The following STXBP4 variants were observed in gnomAD, a reference collection of about 807,000 sequenced individuals.
The protein encoded by STXBP4 is syntaxin-binding protein 4.
Under a neutral mutation model 76.1 loss-of-function variants are expected in STXBP4, and 55 were observed. That is an observed-to-expected ratio of 0.72 (90% CI 0.58 to 0.91). The LOEUF (loss-of-function observed/expected upper bound fraction) is 0.91, where lower values mean the gene tolerates loss of function less well. Among genes scored for constraint, STXBP4 ranks in the 40% least tolerant of loss-of-function variants. STXBP4 has a pLI of 0.00. For missense variants in STXBP4, 618 were observed against 636.9 expected, an observed-to-expected ratio of 0.97 and a Z score of 0.32; for synonymous variants, 201 against 220.2, an observed-to-expected ratio of 0.91 and a Z score of 0.77.
rs182388747 is a variant in STXBP4 at position 55,090,568 on chromosome 17, G to A, written c.1489+9385G>A. On this transcript the variant is annotated intron_variant, in intron 16 of 17. Transcript: ENST00000376352. ...AGGTCAAAAACCAGTTCTGAGTAGA[G>A]AGCTCTCTAAATTCAAGCTTTTATG... is the stretch of plus-strand genomic sequence containing the variant. Among the ~76,000 whole-genome samples, 27 of 152,234 alleles carry A rather than the reference G, an allele frequency of 1.8e-4. 1 individual carries two copies. The East Asian group carries it at 3.7e-3, about 21-fold the overall frequency.
At chr17:55,062,530 G>T (rs1237036358) in intron 12 of STXBP4, among the ~76,000 whole-genome samples, 1 of 152,020 alleles carries the variant, frequency 6.6e-6, no homozygotes, top group Non-Finnish European at 1.5e-5. Flanking sequence ...TTGCTATTGT[G>T]AATAGTGCTA....
intron 12 of STXBP4, among the ~76,000 whole-genome samples, chr17:55,057,065 CTT>C (rs961811823): frequency 3.3e-5 from 5 of 151,912 alleles, no homozygotes; most frequent in Non-Finnish European, 4.4e-5. Context: ...ACTATAAACT[CTT>C]ATACTTATCT....
chr17:55,209,233 G>A, the STXBP4 span, among the ~76,000 whole-genome samples: 1 of 152,152 alleles, frequency 6.6e-6, no homozygotes, highest in South Asian at 2.1e-4. Flanking sequence ...ACTGTGTTAG[G>A]AGACCCAGTG....
chr17:55,185,260 T>TCTC, the STXBP4 span, among the ~76,000 whole-genome samples: 2 of 50,622 alleles, frequency 4.0e-5, no homozygotes, highest in African/African-American at 2.0e-4. Flanking sequence ...TCCTTCTCCT[T>TCTC]CTCCTTCTCC....
intron 1 of STXBP4, among the ~76,000 whole-genome samples, chr17:54,970,723 A>C (rs1190410753): frequency 2.6e-5 from 4 of 152,194 alleles, no homozygotes; most frequent in Non-Finnish European, 4.4e-5. Context: ...CTGTTTCTCC[A>C]GGCACCCCTT....
intron 16 of STXBP4, among the ~76,000 whole-genome samples, chr17:55,120,386 ATAAT>A (rs2079830508): frequency 6.6e-6 from 1 of 152,240 alleles, no homozygotes; most frequent in African/African-American, 2.4e-5. Context: ...CTACCTATAA[ATAAT>A]TACATTCCAT....
chr17:55,061,601 G>C (rs959559923), intron 12 of STXBP4, among the ~76,000 whole-genome samples: 1 of 152,134 alleles, frequency 6.6e-6, no homozygotes, highest in Non-Finnish European at 1.5e-5. Flanking sequence ...TCTTTACTCA[G>C]ATCCCTCATG....
At chr17:55,052,940 TG>T (rs2078877835) in intron 12 of STXBP4, among the ~76,000 whole-genome samples, 7 of 141,458 alleles carry the variant, frequency 4.9e-5, no homozygotes, top group Middle Eastern at 7.2e-3. Flanking sequence ...TGTGTGTGTG[TG>T]TGTGTGTGTG....
chr17:55,194,431 G>T, the STXBP4 span, among the ~76,000 whole-genome samples: 5 of 152,104 alleles, frequency 3.3e-5, no homozygotes, highest in African/African-American at 4.8e-5. Context: ...TAGCAGTGAG[G>T]AATCTAGAGC....
intron 13 of STXBP4, among the ~76,000 whole-genome samples, chr17:55,075,393 T>A (rs1157622356): frequency 6.6e-6 from 1 of 152,214 alleles, no homozygotes; most frequent in Non-Finnish European, 1.5e-5. Context: ...TTTCTTGTAC[T>A]CTATTGTGTG....
At chr17:55,153,889 T>C (rs1226302011) in intron 17 of STXBP4, among the ~76,000 whole-genome samples, 1 of 152,212 alleles carries the variant, frequency 6.6e-6, no homozygotes, top group African/African-American at 2.4e-5. Flanking sequence ...TAGCTATTAC[T>C]TATTTTCTGT....
intron 8 of STXBP4, among the ~76,000 whole-genome samples, chr17:55,022,563 A>C (rs1031846815): frequency 2.6e-5 from 4 of 152,214 alleles, no homozygotes; most frequent in African/African-American, 7.2e-5. Context: ...GGGGAAGTAG[A>C]AAATTCAAAA....
chr17:55,205,677 AT>A, the STXBP4 span, among the ~76,000 whole-genome samples: 3 of 152,200 alleles, frequency 2.0e-5, no homozygotes, highest in Non-Finnish European at 4.4e-5. Context: ...TATTAAAAAA[AT>A]CTGAGAAACA....
intron 17 of STXBP4, among the ~76,000 whole-genome samples, chr17:55,151,195 A>G (rs2080212963): frequency 1.3e-5 from 2 of 152,170 alleles, no homozygotes. Flanking sequence ...AAATTTGTGG[A>G]AATTTGTTAC....
At chr17:55,186,104 CACTATGCAATTACTTG>C in the STXBP4 span, among the ~76,000 whole-genome samples, 1 of 152,192 alleles carries the variant, frequency 6.6e-6, no homozygotes, top group African/African-American at 2.4e-5. Flanking sequence ...CTTTTACCAC[CACTATGCAATTACTTG>C]TCTACAAACC....
intron 8 of STXBP4, among the ~76,000 whole-genome samples, chr17:55,026,503 C>T (rs2078418208): frequency 6.6e-6 from 1 of 152,082 alleles, no homozygotes; most frequent in Non-Finnish European, 1.5e-5. Context: ...TTGAAAGAAG[C>T]AGGAGGCTGC....
rs1359468877 is a variant in STXBP4, at chr17:55,055,072, A to G, written c.1011+7918A>G. 2.6e-5 allele frequency among the ~76,000 whole-genome samples: 4 copies of G among 152,272 alleles called. No individual in the cohort carries two copies. In the East Asian group the frequency reaches 5.8e-4, roughly 22 times the overall value. On this transcript the variant is annotated intron_variant, in intron 12 of 17. Coordinates refer to ENST00000376352, the MANE Select transcript of STXBP4 (RefSeq NM_178509.6). ...ATAGTACCTACCTTACAATTTTTTC[A>G]TAGGACTTGAGAATTTAAGAGCCTA...
intron 8 of STXBP4, among the ~76,000 whole-genome samples, chr17:55,016,497 T>G (rs1396942927): frequency 1.3e-5 from 2 of 152,192 alleles, no homozygotes; most frequent in African/African-American, 4.8e-5. Context: ...GAGATAGTCT[T>G]TTTGATTCTG....
chr17:55,136,575 AT>A (rs1158092799), intron 16 of STXBP4, among the ~76,000 whole-genome samples: 1 of 152,058 alleles, frequency 6.6e-6, no homozygotes, highest in African/African-American at 2.4e-5. Context: ...ATTACTATGC[AT>A]TTCTTCCCAT....
Sources: gnomAD v4.1 joint callset for allele counts (sites outside exome capture counted in the v4.1 genomes callset) on GRCh38, gnomAD v4.1.1 for gene constraint, MANE v1.5 for transcripts, NCBI Gene and HGNC (gene_info 2026-07-23, HGNC 2026-07-21) for gene names.